THRA: variants seen among roughly 807,000 people sequenced by gnomAD.
THRA encodes the protein thyroid hormone receptor alpha.
Under a neutral mutation model 45.0 loss-of-function variants are expected in THRA, and 13 were observed. That is an observed-to-expected ratio of 0.29 (90% CI 0.19 to 0.46). THRA has a LOEUF of 0.46. Ranked by LOEUF, THRA falls within the 20% of genes least tolerant of loss-of-function variation. The probability of loss-of-function intolerance (pLI) is 1.00; values close to 1 mark genes in which losing one functional copy is unlikely to be tolerated. For missense variants in THRA, 278 were observed against 556.1 expected, an observed-to-expected ratio of 0.50 and a Z score of 5.03; for synonymous variants, 195 against 214.0, an observed-to-expected ratio of 0.91 and a Z score of 0.78.
intron 8 of THRA, among the ~76,000 whole-genome samples, chr17:40,088,901 C>T (rs1045464655): frequency 2.0e-5 from 3 of 151,384 alleles, no homozygotes; most frequent in African/African-American, 7.3e-5. Context: ...TCTCTGACCA[C>T]CAACCTCAGT....
In THRA at chr17:40,074,504, A is replaced by G. The variant is rs1255454648; in HGVS notation, c.16A>G (p.Ser6Gly). The change falls in exon 2 of 9, where the codon AGC (serine) becomes GGC (glycine). Residue 6 changes from serine (S) to glycine (G), a missense_variant. Ser to Gly is a moderately conservative substitution (Grantham distance 56). Coordinates refer to ENST00000450525, the MANE Select transcript of THRA (RefSeq NM_199334.5). MEQKP[S>G]KVECGSDPEE... ...ATTGAAGTGAATGGAACAGAAGCCA[A>G]GCAAGGTGGAGTGTGGGTCAGACCC... is the stretch of plus-strand genomic sequence containing the variant. 1.2e-6 allele frequency: 2 copies of G among 1,614,022 alleles called. No individual in the cohort carries two copies. The highest frequency in any genetic ancestry group is 2.7e-5 in the African/African-American group (2 of 74,936).
At chr17:40,076,463 C>T (rs1272845693) in intron 2 of THRA, among the ~76,000 whole-genome samples, 3 of 152,164 alleles carry the variant, frequency 2.0e-5, no homozygotes, top group Non-Finnish European at 4.4e-5. Flanking sequence ...GTGAAGGTTG[C>T]ATGGTTATTC....
chr17:40,082,923 G>A (rs1355586774), intron 4 of THRA, among the ~76,000 whole-genome samples: 2 of 146,974 alleles, frequency 1.4e-5, no homozygotes, highest in African/African-American at 5.1e-5. Flanking sequence ...CCACCACCAC[G>A]CCCGGGTAAT....
At chr17:40,076,193 G>A (rs775729279) in intron 2 of THRA, among the ~76,000 whole-genome samples, 14 of 152,222 alleles carry the variant, frequency 9.2e-5, no homozygotes, top group Admixed American at 1.3e-4. Context: ...CAGGGTCTCA[G>A]TTTGCTGCTC....
Position 40,089,747 on chromosome 17 carries a change from G to A in THRA, c.*291G>A, listed in dbSNP as rs376283259. ...TCCTCTCAGAAGGTAGGGGAAGGGC[G>A]GGAGGATTGAGAAGGGACAAGCCAC... On this transcript the variant is annotated 3_prime_UTR_variant, in exon 9 of 9. Transcript: ENST00000450525. This position sits in a 1 kb window ranked among gnomAD's most constrained non-coding sequence, Gnocchi z 6.1. 5.9e-5 allele frequency: 75 copies of A among 1,269,666 alleles called. 1 individual carries two copies. The highest frequency in any genetic ancestry group is 5.9e-4 in the South Asian group (34 of 57,900). 78.7% of individuals were successfully genotyped at this position (1,269,666 alleles called of 1,614,324 possible).
At chr17:40,070,896 CTT>C (rs551810613) in intron 1 of THRA, among the ~76,000 whole-genome samples, 20 of 150,884 alleles carry the variant, frequency 1.3e-4, no homozygotes, top group Non-Finnish European at 2.1e-4. Context: ...ACCTTTCTCT[CTT>C]TGTCTCCCCT....
chr17:40,077,984 C>A (rs1243761200), intron 4 of THRA, among the ~76,000 whole-genome samples: 1 of 152,106 alleles, frequency 6.6e-6, no homozygotes. Flanking sequence ...GGCATACCTG[C>A]CTGGTTACTT....
In THRA at chr17:40,076,894, G is replaced by A. The variant is rs1328384847; in HGVS notation, c.77G>A (p.Arg26Gln). Residue 26 changes from arginine to glutamine, a missense_variant, in exon 3 of 9, where the codon CGA becomes CAA. Around this residue, in one of 6 missense-constraint regions of THRA, gnomAD observed 34 missense variants for 39.7 expected, o/e 0.86. Transcript: ENST00000450525. ...ENSARSPDGKRKRKNGQCSLK... is the reference protein window; with the variant it reads ...ENSARSPDGKQKRKNGQCSLK... ...AGTGCCAGGTCACCAGATGGAAAGC[G>A]AAAAAGAAAGAACGGCCAATGTTCC... 27 of 1,613,960 alleles carry A rather than the reference G, an allele frequency of 1.7e-5. No homozygotes were observed. Among genetic ancestry groups the A allele is most frequent in the East Asian group, 2.2e-5 (1 of 44,896 alleles).
intron 7 of THRA, 191 bp downstream of exon 7, chr17:40,087,044 C>A: frequency 1.5e-6 from 1 of 681,336 alleles, no homozygotes; most frequent in Non-Finnish European, 2.4e-6. Flanking sequence ...GGCACACATG[C>A]AGACACATAC....
chr17:40,076,664 C>T (rs1439012538), intron 2 of THRA, among the ~76,000 whole-genome samples: 21 of 152,082 alleles, frequency 1.4e-4, no homozygotes, highest in Admixed American at 1.4e-3. Flanking sequence ...ATGCTTGTGC[C>T]ACAGCCAAGC....
At chr17:40,075,411 A>G (rs552323112) in intron 2 of THRA, among the ~76,000 whole-genome samples, 12 of 152,324 alleles carry the variant, frequency 7.9e-5, no homozygotes, top group South Asian at 2.1e-4. Flanking sequence ...AAGGCCCACA[A>G]CTGGGTCCCT....
At chr17:40,088,623 G>A (rs1264929663) in intron 8 of THRA, 123 bp downstream of exon 8, 10 of 1,251,166 alleles carry the variant, frequency 8.0e-6, no homozygotes, top group Non-Finnish European at 8.9e-6. Flanking sequence ...TGTCACCTGG[G>A]CCATCCCCTA....
intron 1 of THRA, among the ~76,000 whole-genome samples, chr17:40,063,917 G>T (rs1986459444): frequency 6.6e-6 from 1 of 151,914 alleles, no homozygotes; most frequent in African/African-American, 2.4e-5. Flanking sequence ...TTCCAGGGGT[G>T]GGGGTGGGGG....
chr17:40,069,660 A>G (rs1986704151), intron 1 of THRA, among the ~76,000 whole-genome samples: 1 of 151,722 alleles, frequency 6.6e-6, no homozygotes, highest in Non-Finnish European at 1.5e-5. Context: ...TTTCTTGGCT[A>G]CTTGGATCTC....
intron 4 of THRA, among the ~76,000 whole-genome samples, chr17:40,078,187 A>T (rs1180243045): frequency 1.3e-5 from 2 of 152,216 alleles, no homozygotes; most frequent in East Asian, 3.8e-4. Flanking sequence ...TGAAGTGTTT[A>T]AAACAGTGCC....
chr17:40,075,379 A>C (rs1351459528), intron 2 of THRA, among the ~76,000 whole-genome samples: 1 of 152,158 alleles, frequency 6.6e-6, no homozygotes, highest in African/African-American at 2.4e-5. Context: ...AGGAAGCCAG[A>C]GGCCTGGCCA....
At chr17:40,068,682 C>T (rs1986657577) in intron 1 of THRA, among the ~76,000 whole-genome samples, 1 of 152,194 alleles carries the variant, frequency 6.6e-6, no homozygotes, top group African/African-American at 2.4e-5. Flanking sequence ...CTCAGCCATG[C>T]CCCTCAGCAG....
chr17:40,081,642 C>G (rs1987139775), intron 4 of THRA, among the ~76,000 whole-genome samples: 1 of 152,012 alleles, frequency 6.6e-6, no homozygotes, highest in Middle Eastern at 3.2e-3. Context: ...TTATTGCAAT[C>G]ATCTTGAGTT....
intron 5 of THRA, 108 bp downstream of exon 5, chr17:40,084,090 G>T (rs1243697769): frequency 2.5e-5 from 33 of 1,315,182 alleles, no homozygotes; most frequent in Non-Finnish European, 3.4e-5. Context: ...GGGCAGAGTG[G>T]CAATCCAGTC....
Sources: gnomAD v4.1 joint callset for allele counts (sites outside exome capture counted in the v4.1 genomes callset) on GRCh38, gnomAD v4.1.1 for gene constraint, gnomAD v4.1.1 regional missense constraint, Gnocchi (gnomAD v3.1) non-coding constraint, MANE v1.5 for transcripts, NCBI Gene and HGNC (gene_info 2026-07-23, HGNC 2026-07-21) for gene names.